The following RYR3 variants were observed in gnomAD, a reference collection of about 807,000 sequenced individuals.
The protein encoded by RYR3 is brain ryanodine receptor-calcium release channel.
In RYR3, 207 loss-of-function variants were observed where a neutral mutation model predicts 584.3. The ratio of observed to expected loss-of-function variants is 0.35; its 90% CI spans 0.32 to 0.40. The LOEUF is 0.40. Ranked by LOEUF, RYR3 falls within the 10% of genes least tolerant of loss-of-function variation. The pLI is 1.00. For synonymous variants in RYR3, 2,416 were observed against 2,248.5 expected (o/e 1.07, Z -2.11); for missense variants, 5,616 against 6,089.2 (o/e 0.92, Z 2.59).
At chr15:33,544,656 G>C (rs1356075993) in intron 8 of RYR3, among the ~76,000 whole-genome samples, 1 of 152,132 alleles carries the variant, frequency 6.6e-6, no homozygotes, top group Non-Finnish European at 1.5e-5. Flanking sequence ...CAATGTGCTT[G>C]AATGTATTAT....
chr15:33,703,723 T>A (rs1390307976), intron 42 of RYR3, among the ~76,000 whole-genome samples: 1 of 152,226 alleles, frequency 6.6e-6, no homozygotes, highest in African/African-American at 2.4e-5. Context: ...ATTTTGTTCT[T>A]TAAAGTATTT....
chr15:33,860,170 CAT>C (rs890811177), intron 100 of RYR3, among the ~76,000 whole-genome samples: 3 of 152,164 alleles, frequency 2.0e-5, no homozygotes, highest in African/African-American at 7.2e-5. Flanking sequence ...TAGCTTGAGT[CAT>C]GCTGAGTGGA....
At chr15:33,857,679 CCGTCCTCACT>C in intron 98 of RYR3, 91 bp from the exon 99 acceptor site, 1 of 1,464,952 alleles carries the variant, frequency 6.8e-7, no homozygotes, top group Non-Finnish European at 9.3e-7. Context: ...CTCTCCTTGC[CCGTCCTCACT>C]CTTCCTCCTC....
Position 33,780,336 on chromosome 15 carries a change from G to A in RYR3, c.9263G>A (p.Arg3088Lys). 6.2e-7 allele frequency: 1 copy of A among 1,613,644 alleles called. No individual in the cohort carries two copies. Among genetic ancestry groups the A allele is most frequent in the Non-Finnish European group, 8.5e-7 (1 of 1,179,740 alleles). The change falls in exon 65 of 104, where the codon AGG (arginine) becomes AAG (lysine). Residue 3088 changes from arginine (R) to lysine (K), a missense_variant. Arg to Lys is a conservative substitution (Grantham distance 26). Around this residue, in one of 9 missense-constraint regions of RYR3, gnomAD observed 954 missense variants for 1,132.2 expected, o/e 0.84. Transcript: ENST00000634891. ...SVFNTKTPRERSILGMPDTVE... is the reference protein window; with the variant it reads ...SVFNTKTPREKSILGMPDTVE... The stretch of plus-strand genomic sequence containing the variant: ...TTCAACACCAAAACCCCCAGGGAGA[G>A]GTCTAGTAAGTATCTCCCCTCAAAG...
At chr15:33,729,144 A>C (rs1236801888) in intron 47 of RYR3, 118 bp downstream of exon 47, 1 of 818,512 alleles carries the variant, frequency 1.2e-6, no homozygotes, top group East Asian at 2.7e-5. Context: ...GCTTACTTTA[A>C]TGGGTGAGAA....
intron 41 of RYR3, 81 bp from the exon 42 acceptor site, chr15:33,700,896 G>A (rs1394759567): frequency 8.3e-6 from 8 of 962,478 alleles, no homozygotes; most frequent in East Asian, 2.7e-5. Flanking sequence ...TCTCCTGTCC[G>A]CTTACGTGCA....
intron 16 of RYR3, among the ~76,000 whole-genome samples, chr15:33,587,809 A>G (rs1595725857): frequency 1.3e-5 from 2 of 152,294 alleles, no homozygotes; most frequent in Admixed American, 1.3e-4. Flanking sequence ...TCAAAGAGAA[A>G]AAACAGGTTC....
intron 69 of RYR3, among the ~76,000 whole-genome samples, chr15:33,805,951 T>C (rs1596695904): frequency 6.9e-6 from 1 of 144,652 alleles, no homozygotes; most frequent in African/African-American, 2.5e-5. Flanking sequence ...TTCCCCTCCC[T>C]TCTCTCCACC....
chr15:33,478,779 T>C (rs972775058), intron 2 of RYR3, among the ~76,000 whole-genome samples: 2 of 152,222 alleles, frequency 1.3e-5, no homozygotes, highest in Non-Finnish European at 2.9e-5. Flanking sequence ...CCACCTTTCT[T>C]AATAGTAGAT....
At chr15:33,413,444 A>G (rs1206609539) in intron 1 of RYR3, among the ~76,000 whole-genome samples, 1 of 152,236 alleles carries the variant, frequency 6.6e-6, no homozygotes, top group Non-Finnish European at 1.5e-5. Flanking sequence ...AGCAAACAAG[A>G]CAGTCCAGTC....
intron 38 of RYR3, among the ~76,000 whole-genome samples, chr15:33,677,329 T>C (rs903115858): frequency 1.3e-5 from 2 of 152,144 alleles, no homozygotes; most frequent in Non-Finnish European, 2.9e-5. Context: ...AGCAATTCGA[T>C]GACTTTCCCA....
intron 36 of RYR3, among the ~76,000 whole-genome samples, chr15:33,664,640 A>T (rs2063391383): frequency 9.4e-6 from 1 of 106,448 alleles, no homozygotes; most frequent in Non-Finnish European, 1.9e-5. Flanking sequence ...TGCGAGGGAG[A>T]TGCAAAATGT....
intron 25 of RYR3, 70 bp from the exon 26 acceptor site, chr15:33,635,544 C>A: frequency 8.5e-7 from 1 of 1,182,398 alleles, no homozygotes; most frequent in Non-Finnish European, 1.2e-6. Flanking sequence ...AGTAGTGCTA[C>A]CTAATTATTG....
chr15:33,509,189 C>T (rs1236113367), intron 3 of RYR3, among the ~76,000 whole-genome samples: 1 of 152,170 alleles, frequency 6.6e-6, no homozygotes. Context: ...TACATCAAAA[C>T]AAACACTGAT....
intron 49 of RYR3, among the ~76,000 whole-genome samples, chr15:33,736,815 C>G (rs2069514807): frequency 6.6e-6 from 1 of 151,952 alleles, no homozygotes; most frequent in African/African-American, 2.4e-5. Flanking sequence ...GTGGTGAGAT[C>G]TCAGCTCACT....
chr15:33,770,376 ATTTTG>A (rs936584372), intron 62 of RYR3, among the ~76,000 whole-genome samples: 98 of 152,188 alleles, frequency 6.4e-4, no homozygotes, highest in Non-Finnish European at 1.1e-3. Context: ...TGTTTGTTTT[ATTTTG>A]TTTTGTTTTG....
intron 1 of RYR3, among the ~76,000 whole-genome samples, chr15:33,437,668 T>C (rs760847221): frequency 6.6e-6 from 1 of 152,112 alleles, no homozygotes; most frequent in Non-Finnish European, 1.5e-5. Context: ...GGCCTGTTTC[T>C]GGACTCTGCT....
intron 32 of RYR3, among the ~76,000 whole-genome samples, chr15:33,656,311 G>T (rs148221134): frequency 6.6e-6 from 1 of 152,218 alleles, no homozygotes; most frequent in Non-Finnish European, 1.5e-5. Flanking sequence ...GGCTGGTTGC[G>T]CAATCCATGG....
At chr15:33,451,297 C>T (rs2047105515) in intron 1 of RYR3, among the ~76,000 whole-genome samples, 1 of 152,148 alleles carries the variant, frequency 6.6e-6, no homozygotes, top group Non-Finnish European at 1.5e-5. Flanking sequence ...TGTTCTGCTC[C>T]TTTCTCTCTC....
Sources: gnomAD v4.1 joint callset for allele counts (sites outside exome capture counted in the v4.1 genomes callset) on GRCh38, gnomAD v4.1.1 for gene constraint, gnomAD v4.1.1 regional missense constraint, MANE v1.5 for transcripts, NCBI Gene and HGNC (gene_info 2026-07-23, HGNC 2026-07-21) for gene names.